The following DCAF8L2 variants were observed in gnomAD, a reference collection of about 807,000 sequenced individuals.
The protein encoded by DCAF8L2 is DDB1 and CUL4 associated factor 8 like 2.
For missense variants in DCAF8L2, 430 were observed against 490.7 expected, an observed-to-expected ratio of 0.88 and a Z score of 1.17; for synonymous variants, 200 against 190.9, an observed-to-expected ratio of 1.05 and a Z score of -0.39.
At chrX:27,574,875 G>A in the DCAF8L2 span, among the ~76,000 whole-genome samples, 1 of 111,345 alleles carries the variant, frequency 9.0e-6, no homozygotes, top group Non-Finnish European at 1.9e-5. Context: ...TGCTCCTGAA[G>A]CCCCAATGGG....
At chrX:27,553,939 A>G in the DCAF8L2 span, among the ~76,000 whole-genome samples, 3 of 112,091 alleles carry the variant, frequency 2.7e-5, no homozygotes, top group Non-Finnish European at 5.6e-5. Context: ...AACAGAATGC[A>G]CTAGTGGATG....
chrX:27,570,260 T>A, the DCAF8L2 span, among the ~76,000 whole-genome samples: 19 of 110,793 alleles, frequency 1.7e-4, no homozygotes, highest in South Asian at 3.9e-3. Context: ...GGGCAGGGGC[T>A]AGGGGAGAAG....
chrX:27,615,181 AT>A (rs1927399677), intron 1 of DCAF8L2, among the ~76,000 whole-genome samples: 1 of 111,537 alleles, frequency 9.0e-6, no homozygotes, highest in South Asian at 3.7e-4. Flanking sequence ...GAATTAATGA[AT>A]GCTGGACATG....
chrX:27,642,579 C>T lies in DCAF8L2; in HGVS notation c.-220+10579C>T, dbSNP rs752881676. 3.5e-4 allele frequency among the ~76,000 whole-genome samples: 39 copies of T among 111,029 alleles called. 1 individual carries two copies. Among genetic ancestry groups the T allele is most frequent in the Admixed American group, 3.5e-3 (36 of 10,381 alleles). ...CAGAGCTTTCTTTCACTGCAATTCT[C>T]TCTTTTCTACTCTCCCATCAAAACG... On this transcript the variant is annotated intron_variant, in intron 2 of 4. Transcript: ENST00000451261.
chrX:27,683,252 T>A (rs964297479), intron 3 of DCAF8L2, among the ~76,000 whole-genome samples: 1 of 111,799 alleles, frequency 8.9e-6, no homozygotes, highest in African/African-American at 3.3e-5. Flanking sequence ...CAAATGCCCT[T>A]CCCACTGTCA....
the DCAF8L2 span, among the ~76,000 whole-genome samples, chrX:27,495,646 A>G: frequency 8.9e-6 from 1 of 112,132 alleles, no homozygotes. Flanking sequence ...TTCAGATATC[A>G]TGAATAATGC....
intron 3 of DCAF8L2, among the ~76,000 whole-genome samples, chrX:27,706,106 G>A (rs760214663): frequency 4.0e-4 from 44 of 110,849 alleles, no homozygotes; most frequent in Non-Finnish European, 7.2e-4. Context: ...ATGCTTGTAG[G>A]TGTGCAGCCT....
the DCAF8L2 span, among the ~76,000 whole-genome samples, chrX:27,538,895 A>G: frequency 8.9e-6 from 1 of 112,328 alleles, no homozygotes; most frequent in Non-Finnish European, 1.9e-5. Flanking sequence ...TACATTTCAC[A>G]TTTTACTGGT....
At position 27,739,455 on chromosome X, in the gene DCAF8L2, T is replaced by C. The variant is rs1489457877; in HGVS notation, c.-58-7383T>C. ...CTCCTACATAACTGGCTGCTCCTTC[T>C]GCTCCATATGGTTGTTTTCTCCTTT... On this transcript the variant is annotated intron_variant, in intron 4 of 4. Transcript: ENST00000451261. Among the ~76,000 whole-genome samples, 3 of 111,811 alleles carry C rather than the reference T, an allele frequency of 2.7e-5. No homozygotes were observed. In the East Asian group the frequency reaches 8.4e-4, roughly 31 times the overall value.
chrX:27,667,524 T>C (rs1929784207), intron 2 of DCAF8L2, among the ~76,000 whole-genome samples: 1 of 111,569 alleles, frequency 9.0e-6, no homozygotes, highest in African/African-American at 3.3e-5. Flanking sequence ...AAGGACACAG[T>C]ACTAGATAGC....
At chrX:27,586,989 T>C (rs945739629), upstream of DCAF8L2, among the ~76,000 whole-genome samples, 2 of 111,375 alleles carry the variant, frequency 1.8e-5, no homozygotes, top group African/African-American at 3.3e-5. Context: ...GATTTTTTTT[T>C]ATTTTCAACT....
chrX:27,480,900 A>C, the DCAF8L2 span, among the ~76,000 whole-genome samples: 1 of 112,086 alleles, frequency 8.9e-6, no homozygotes, highest in South Asian at 3.7e-4. Context: ...CTGAAATATG[A>C]ATATGTATTA....
chrX:27,703,328 T>C (rs1339618119), intron 3 of DCAF8L2, among the ~76,000 whole-genome samples: 1 of 111,003 alleles, frequency 9.0e-6, no homozygotes, highest in Non-Finnish European at 1.9e-5. Context: ...GGCAAACCGA[T>C]CCTAAATTTA....
chrX:27,681,332 A>C (rs1930320630), intron 3 of DCAF8L2, among the ~76,000 whole-genome samples: 1 of 111,564 alleles, frequency 9.0e-6, no homozygotes, highest in Non-Finnish European at 1.9e-5. Context: ...AATAAGTAGA[A>C]GTAGAGACAG....
chrX:27,651,943 A>G (rs1929170245), intron 2 of DCAF8L2, among the ~76,000 whole-genome samples: 1 of 110,616 alleles, frequency 9.0e-6, no homozygotes, highest in African/African-American at 3.3e-5. Context: ...AAACTACTAC[A>G]ACAACATATT....
intron 3 of DCAF8L2, among the ~76,000 whole-genome samples, chrX:27,686,909 C>T (rs971443488): frequency 1.8e-5 from 2 of 112,365 alleles, no homozygotes; most frequent in African/African-American, 6.5e-5. Context: ...AGCACACAAC[C>T]TACATCCTTT....
At chrX:27,533,182 GA>G in the DCAF8L2 span, among the ~76,000 whole-genome samples, 1 of 19,366 alleles carries the variant, frequency 5.2e-5, no homozygotes, top group African/African-American at 1.4e-4. Flanking sequence ...AAGAAAGAAA[GA>G]AAGAAAGAAA....
chrX:27,739,201 A>C lies in DCAF8L2; in HGVS notation c.-58-7637A>C, dbSNP rs1388585255. 2.7e-5 allele frequency among the ~76,000 whole-genome samples: 3 copies of C among 110,683 alleles called. No individual in the cohort carries two copies. In the East Asian group the frequency reaches 8.5e-4, roughly 32 times the overall value. ...TTATAAGAGTTGTCTCTCCTCGCTC[A>C]CCATCATCACTTCTTCCCTCTCCTT... is the stretch of plus-strand genomic sequence containing the variant. On this transcript the variant is annotated intron_variant, in intron 4 of 4. Transcript: ENST00000451261.
chrX:27,668,825 C>T lies in DCAF8L2; in HGVS notation c.-219-9011C>T, dbSNP rs374976878. 3.8e-3 allele frequency among the ~76,000 whole-genome samples: 419 copies of T among 110,385 alleles called. 1 individual carries two copies. Among genetic ancestry groups the T allele is most frequent in the Middle Eastern group, 9.2e-3 (2 of 217 alleles). On this transcript the variant is annotated intron_variant, in intron 2 of 4. Transcript: ENST00000451261. ...AAAATTAGCCAGGCGTGGTGGTGGGCGCCTGTAATCCCAGCAGGAGAATCG... is the reference window on the plus strand; with the variant it reads ...AAAATTAGCCAGGCGTGGTGGTGGGTGCCTGTAATCCCAGCAGGAGAATCG...
Sources: allele counts gnomAD v4.1 joint callset (sites outside exome capture counted in the v4.1 genomes callset), GRCh38; gene constraint gnomAD v4.1.1; transcripts MANE v1.5; gene names NCBI Gene and HGNC (gene_info 2026-07-23, HGNC 2026-07-21).